POMT2: variants seen among roughly 807,000 people sequenced by gnomAD.
POMT2 encodes the protein protein O-mannosyltransferase 2.
POMT2 carries 75 observed loss-of-function variants against 100.0 expected under a neutral mutation model. The observed-to-expected ratio is 0.75, with a 90% CI of 0.62 to 0.91. The LOEUF (loss-of-function observed/expected upper bound fraction) is 0.91, where lower values mean the gene tolerates loss of function less well. Ranked by LOEUF, POMT2 falls within the 40% of genes least tolerant of loss-of-function variation. The pLI is 0.00. For missense variants in POMT2, 940 were observed against 955.1 expected (o/e 0.98, Z 0.21); for synonymous variants, 378 against 374.1 (o/e 1.01, Z -0.12).
At position 77,277,346 on chromosome 14, in the gene POMT2, T is replaced by C; in HGVS notation, c.*30A>G. The C allele has an allele frequency of 6.4e-7, 1 of 1,568,354 alleles. No homozygotes were observed. The highest frequency in any genetic ancestry group is 8.8e-7 in the Non-Finnish European group (1 of 1,138,756). On this transcript the variant is annotated 3_prime_UTR_variant, in exon 21 of 21. Coordinates refer to ENST00000261534, the MANE Select transcript of POMT2 (RefSeq NM_013382.7). ...CCAGCTGGCTCTCCTGGGAAGTTCCTGGACCCAGGCTGGAATCTTTGCAGT... is the reference window on the plus strand; with the variant it reads ...CCAGCTGGCTCTCCTGGGAAGTTCCCGGACCCAGGCTGGAATCTTTGCAGT...
intron 14 of POMT2, chr14:77,284,145 T>A: frequency 4.3e-6 from 2 of 463,194 alleles, no homozygotes; most frequent in Non-Finnish European, 8.0e-6. Flanking sequence ...CTTTTCACTG[T>A]GGTACTGGCT....
At chr14:77,315,592 G>A (rs1891594682) in intron 1 of POMT2, among the ~76,000 whole-genome samples, 1 of 152,238 alleles carries the variant, frequency 6.6e-6, no homozygotes, top group Non-Finnish European at 1.5e-5. Context: ...GATCCCATAA[G>A]TGTCGAAGAG....
chr14:77,308,054 G>T (rs956986170), intron 2 of POMT2, among the ~76,000 whole-genome samples: 2 of 150,920 alleles, frequency 1.3e-5, no homozygotes, highest in Admixed American at 1.3e-4. Context: ...TAGAGGCGGG[G>T]TTTCACCATC....
At chr14:77,279,542 G>GT in intron 18 of POMT2, 1 of 578,038 alleles carries the variant, frequency 1.7e-6, no homozygotes, top group East Asian at 4.0e-5. Flanking sequence ...CTTACTAGCT[G>GT]TATGTCCTGG....
At chr14:77,315,421 G>A (rs971818619) in intron 1 of POMT2, among the ~76,000 whole-genome samples, 1 of 152,228 alleles carries the variant, frequency 6.6e-6, no homozygotes, top group Non-Finnish European at 1.5e-5. Context: ...CCTTCTAGAC[G>A]CATTAGTTCG....
intron 3 of POMT2, among the ~76,000 whole-genome samples, chr14:77,305,579 C>T (rs1188456107): frequency 6.6e-6 from 1 of 152,236 alleles, no homozygotes; most frequent in African/African-American, 2.4e-5. Flanking sequence ...TGCAAATCAT[C>T]TAACGATGAG....
intron 1 of POMT2, among the ~76,000 whole-genome samples, chr14:77,317,068 G>T (rs745442994): frequency 9.9e-5 from 15 of 152,028 alleles, no homozygotes; most frequent in Non-Finnish European, 1.3e-4. Flanking sequence ...TCATGCAACC[G>T]GTGTGGAAAC....
intron 8 of POMT2, among the ~76,000 whole-genome samples, chr14:77,296,853 C>A (rs923509576): frequency 6.6e-6 from 1 of 152,204 alleles, no homozygotes; most frequent in Non-Finnish European, 1.5e-5. Context: ...TCTTCCAATC[C>A]GCTGGAATGA....
intron 1 of POMT2, chr14:77,312,254 T>C: frequency 1.7e-6 from 1 of 605,696 alleles, no homozygotes; most frequent in Non-Finnish European, 2.7e-6. Flanking sequence ...CGAGCAAATA[T>C]TCACTAGCCA....
chr14:77,278,280 C>G, intron 20 of POMT2, 114 bp downstream of exon 20: 1 of 919,870 alleles, frequency 1.1e-6, no homozygotes, highest in South Asian at 1.4e-5. Context: ...CGCAGAACCT[C>G]CAGGCATGGG....
At chr14:77,313,795 C>A (rs1891527289) in intron 1 of POMT2, among the ~76,000 whole-genome samples, 1 of 152,120 alleles carries the variant, frequency 6.6e-6, no homozygotes, top group Non-Finnish European at 1.5e-5. Flanking sequence ...GCACTTTTCA[C>A]CTCCCGGGTT....
At chr14:77,292,235 G>C (rs895383653) in intron 9 of POMT2, among the ~76,000 whole-genome samples, 1 of 152,132 alleles carries the variant, frequency 6.6e-6, no homozygotes, top group Non-Finnish European at 1.5e-5. Flanking sequence ...AGTATGTCCT[G>C]GGATAGAATA....
rs1304757053 is a variant in POMT2, at chr14:77,278,438, T to C, written c.2103A>G (p.Ile701Met). 6.7e-7 allele frequency: 1 copy of C among 1,498,732 alleles called. No homozygotes were observed. 92.8% of individuals were successfully genotyped at this position (1,498,732 alleles called of 1,614,324 possible). Reference sequence around the variant, plus strand: ...GCAGGCTCAGGATTCCCGCCACATGTATGCCCCTCGCCAGGGGCCATGAGG... The same window carrying C: ...GCAGGCTCAGGATTCCCGCCACATGCATGCCCCTCGCCAGGGGCCATGAGG... ...GLASWPLARG[I>M]HVAGILSLLL... is the part of the protein sequence containing the mutation. The change falls in exon 20 of 21, where the codon ATA becomes ATG. Residue 701 changes from isoleucine to methionine, a missense_variant. Coordinates refer to ENST00000261534, the MANE Select transcript of POMT2 (RefSeq NM_013382.7).
At chr14:77,293,781 C>T (rs978328053) in intron 9 of POMT2, among the ~76,000 whole-genome samples, 2 of 152,246 alleles carry the variant, frequency 1.3e-5, no homozygotes, top group African/African-American at 4.8e-5. Flanking sequence ...CACACCTCCA[C>T]ACATGGGCTC....
In POMT2 at chr14:77,280,069, G is replaced by C; in HGVS notation, c.1737C>G (p.Phe579Leu). ...HWPINYQGLRFSGVNDTDFRV... is the reference protein window; with the variant it reads ...HWPINYQGLRLSGVNDTDFRV... ...GGAAATCTGTGTCATTGACCCCTGA[G>C]AAGCGTAGGCCCTGTGGAATAGAGA... The change falls in exon 17 of 21, where the codon TTC becomes TTG. Residue 579 changes from phenylalanine to leucine, a missense_variant. Phe to Leu is a conservative substitution (Grantham distance 22). Coordinates refer to ENST00000261534, the MANE Select transcript of POMT2 (RefSeq NM_013382.7). 6.2e-7 allele frequency: 1 copy of C among 1,613,912 alleles called. No homozygotes were observed. Among genetic ancestry groups the C allele is most frequent in the Non-Finnish European group, 8.5e-7 (1 of 1,180,024 alleles).
intron 4 of POMT2, among the ~76,000 whole-genome samples, chr14:77,303,431 G>A (rs1053533469): frequency 5.9e-5 from 9 of 151,994 alleles, no homozygotes; most frequent in African/African-American, 1.2e-4. Flanking sequence ...ACCCTCCAAT[G>A]TCTTCCAACC....
chr14:77,300,460 T>C (rs1431933699), intron 6 of POMT2: 1 of 156,408 alleles, frequency 6.4e-6, no homozygotes, highest in Admixed American at 6.2e-5. Context: ...CAGCCCTTAA[T>C]AAATAATAAA....
intron 1 of POMT2, chr14:77,312,482 T>C (rs1402655548): frequency 5.9e-6 from 1 of 168,072 alleles, no homozygotes; most frequent in Non-Finnish European, 1.3e-5. Context: ...GCTAACATGG[T>C]AAAACCCTGT....
intron 1 of POMT2, among the ~76,000 whole-genome samples, chr14:77,315,232 A>C (rs1278251854): frequency 6.6e-6 from 1 of 152,198 alleles, no homozygotes; most frequent in Non-Finnish European, 1.5e-5. Context: ...CAAGGACTAA[A>C]GGGAAAAGGG....
Sources: gnomAD v4.1 joint callset for allele counts (sites outside exome capture counted in the v4.1 genomes callset) on GRCh38, gnomAD v4.1.1 for gene constraint, MANE v1.5 for transcripts, NCBI Gene and HGNC (gene_info 2026-07-23, HGNC 2026-07-21) for gene names.